The following PRKG1 variants were observed in gnomAD, a reference collection of about 807,000 sequenced individuals.
PRKG1 encodes cGMP-dependent protein kinase 1.
In PRKG1, 35 loss-of-function variants were observed where a neutral mutation model predicts 88.1. The ratio of observed to expected loss-of-function variants is 0.40; its 90% CI spans 0.30 to 0.53. The LOEUF (loss-of-function observed/expected upper bound fraction) is 0.53, where lower values mean the gene tolerates loss of function less well. Among genes scored for constraint, PRKG1 ranks in the 20% least tolerant of loss-of-function variants. PRKG1 has a pLI of 0.59. For missense variants in PRKG1, 540 were observed against 839.8 expected (o/e 0.64, Z 4.41); for synonymous variants, 303 against 292.5 (o/e 1.04, Z -0.37).
chr10:52,181,674 A>G (rs1839035523), intron 9 of PRKG1, among the ~76,000 whole-genome samples: 1 of 88,726 alleles, frequency 1.1e-5, no homozygotes, highest in Non-Finnish European at 2.2e-5. Flanking sequence ...ATGAGTGAGA[A>G]TATGCGGTGT....
At chr10:51,362,777 T>C (rs1401461463) in intron 2 of PRKG1, among the ~76,000 whole-genome samples, 1 of 151,742 alleles carries the variant, frequency 6.6e-6, no homozygotes, top group Non-Finnish European at 1.5e-5. Context: ...ATCCCTCCCC[T>C]AGCCCCCAAC....
At chr10:51,043,019 TG>T (rs1412474941) in intron 1 of PRKG1, among the ~76,000 whole-genome samples, 2 of 152,176 alleles carry the variant, frequency 1.3e-5, no homozygotes, top group East Asian at 3.9e-4. Context: ...GAGAAATAAA[TG>T]TCTGTTGTTT....
In PRKG1 at chr10:51,227,571, G is replaced by A. The variant is rs534946624; in HGVS notation, c.478+74241G>A. 3.9e-5 allele frequency among the ~76,000 whole-genome samples: 6 copies of A among 152,238 alleles called. No individual in the cohort carries two copies. The East Asian group carries it at 5.8e-4, about 15-fold the overall frequency. Reference sequence around the variant, plus strand: ...ACACATCATAATATGACCTTCTGAGGGACAAAAATTGAGGCCTATTTATCT... The same window carrying A: ...ACACATCATAATATGACCTTCTGAGAGACAAAAATTGAGGCCTATTTATCT... On this transcript the variant is annotated intron_variant, in intron 2 of 17. Coordinates refer to ENST00000373980, the MANE Select transcript of PRKG1 (RefSeq NM_006258.4).
intron 2 of PRKG1, among the ~76,000 whole-genome samples, chr10:51,287,595 A>G (rs1209976750): frequency 6.6e-6 from 1 of 152,216 alleles, no homozygotes; most frequent in African/African-American, 2.4e-5. Flanking sequence ...AAACAAGATA[A>G]TTTCAGATTT....
chr10:51,174,818 G>A (rs952503326), intron 2 of PRKG1, among the ~76,000 whole-genome samples: 2 of 151,988 alleles, frequency 1.3e-5, no homozygotes, highest in African/African-American at 4.8e-5. Flanking sequence ...CTGTTCAGCT[G>A]TGAAATTTCA....
intron 2 of PRKG1, among the ~76,000 whole-genome samples, chr10:51,437,049 A>T (rs1324547629): frequency 6.6e-6 from 1 of 151,910 alleles, no homozygotes; most frequent in Non-Finnish European, 1.5e-5. Flanking sequence ...TGTTAGTCAC[A>T]TTCTATCTTG....
At chr10:51,729,206 G>C (rs1197356101) in intron 3 of PRKG1, among the ~76,000 whole-genome samples, 1 of 152,144 alleles carries the variant, frequency 6.6e-6, no homozygotes, top group African/African-American at 2.4e-5. Context: ...AGTCTCTTCA[G>C]CTTTCTGAAC....
rs566954513 is a variant in PRKG1 at position 52,193,415 on chromosome 10, G to A, written c.1076+31452G>A. 1.2e-4 allele frequency among the ~76,000 whole-genome samples: 18 copies of A among 151,766 alleles called. No homozygotes were observed. The East Asian group carries it at 3.3e-3, about 28-fold the overall frequency. ...ACAAAAAAATTAGCCACGCATGGTGGCAGGTGCCTGTAATACTAGCTACTT... is the reference window on the plus strand; with the variant it reads ...ACAAAAAAATTAGCCACGCATGGTGACAGGTGCCTGTAATACTAGCTACTT... On this transcript the variant is annotated intron_variant, in intron 9 of 17. Transcript: ENST00000373980.
intron 5 of PRKG1, among the ~76,000 whole-genome samples, chr10:51,927,000 T>A (rs1238390070): frequency 6.6e-6 from 1 of 152,170 alleles, no homozygotes; most frequent in Non-Finnish European, 1.5e-5. Context: ...CCTTGATTCC[T>A]GTATTTGTTT....
chr10:51,509,623 G>T (rs1331336513), intron 3 of PRKG1, among the ~76,000 whole-genome samples: 6 of 152,094 alleles, frequency 3.9e-5, no homozygotes, highest in Non-Finnish European at 7.4e-5. Context: ...CAATCCTCCT[G>T]CCTCAGCCTC....
chr10:51,919,498 T>C (rs1842416511), intron 5 of PRKG1, among the ~76,000 whole-genome samples: 1 of 151,984 alleles, frequency 6.6e-6, no homozygotes, highest in South Asian at 2.1e-4. Flanking sequence ...TGATTTGTCT[T>C]GTAAATAGAC....
chr10:51,750,589 T>G (rs1837698708), intron 3 of PRKG1, among the ~76,000 whole-genome samples: 1 of 152,124 alleles, frequency 6.6e-6, no homozygotes, highest in African/African-American at 2.4e-5. Context: ...GGCAAAACAG[T>G]CCAAAACGCA....
chr10:52,061,784 A>G (rs1214959573), intron 6 of PRKG1, among the ~76,000 whole-genome samples: 1 of 152,100 alleles, frequency 6.6e-6, no homozygotes, highest in African/African-American at 2.4e-5. Flanking sequence ...ATCCTACCAA[A>G]TGAAGCATGT....
In PRKG1 at chr10:51,424,915, G is replaced by A. The variant is rs192069674; in HGVS notation, c.479-42808G>A. Among the ~76,000 whole-genome samples the A allele has an allele frequency of 1.3e-3, 195 of 152,038 alleles. 1 individual carries two copies. Among genetic ancestry groups the A allele is most frequent in the African/African-American group, 4.3e-3 (179 of 41,466 alleles). Reference sequence around the variant, plus strand: ...AATTCTGTATTACCATAAGGAATGCGGATATACATTTTTAAAATTATTTTC... The same window carrying A: ...AATTCTGTATTACCATAAGGAATGCAGATATACATTTTTAAAATTATTTTC... On this transcript the variant is annotated intron_variant, in intron 2 of 17. Transcript: ENST00000373980.
chr10:51,291,357 A>G (rs997616157), intron 2 of PRKG1, among the ~76,000 whole-genome samples: 1 of 152,150 alleles, frequency 6.6e-6, no homozygotes, highest in Non-Finnish European at 1.5e-5. Context: ...AAGAGGAAGT[A>G]GTTTCTCTGT....
intron 2 of PRKG1, among the ~76,000 whole-genome samples, chr10:51,410,674 C>T (rs1387009055): frequency 1.3e-5 from 2 of 152,048 alleles, no homozygotes; most frequent in Non-Finnish European, 2.9e-5. Flanking sequence ...ATCACAAACC[C>T]TCATTGCAGA....
At chr10:51,828,661 C>T (rs146648772) in intron 4 of PRKG1, among the ~76,000 whole-genome samples, 130 of 152,122 alleles carry the variant, frequency 8.5e-4, no homozygotes, top group Non-Finnish European at 1.6e-3. Context: ...CTAATGAAGG[C>T]TTTGATATAA....
chr10:51,421,540 C>G (rs935208272), intron 2 of PRKG1, among the ~76,000 whole-genome samples: 2 of 152,024 alleles, frequency 1.3e-5, no homozygotes, highest in Non-Finnish European at 2.9e-5. Context: ...AGACACTTTC[C>G]CCAGTTCCTC....
At position 52,160,160 on chromosome 10, in the gene PRKG1, C is replaced by T. The variant is rs543342918; in HGVS notation, c.1002-1729C>T. 9.1e-4 allele frequency among the ~76,000 whole-genome samples: 139 copies of T among 151,936 alleles called. 1 individual carries two copies. Among genetic ancestry groups the T allele is most frequent in the African/African-American group, 3.3e-3 (138 of 41,494 alleles). ...AATATTATACTTTATGTTGTGAACG[C>T]GTCTAGCCTTAACATTCTCTAAACT... On this transcript the variant is annotated intron_variant, in intron 8 of 17. Coordinates refer to ENST00000373980, the MANE Select transcript of PRKG1 (RefSeq NM_006258.4).
Sources: gnomAD v4.1 joint callset for allele counts (sites outside exome capture counted in the v4.1 genomes callset) on GRCh38, gnomAD v4.1.1 for gene constraint, MANE v1.5 for transcripts, NCBI Gene and HGNC (gene_info 2026-07-23, HGNC 2026-07-21) for gene names.